LRFN5: variants seen among roughly 807,000 people sequenced by gnomAD.
The protein encoded by LRFN5 is leucine rich repeat and fibronectin type III domain containing 5.
LRFN5 carries 24 observed loss-of-function variants against 45.6 expected under a neutral mutation model. That is an observed-to-expected ratio of 0.53 (90% CI 0.38 to 0.74). The LOEUF (loss-of-function observed/expected upper bound fraction) is 0.74. LRFN5 is among the 30% of genes least tolerant of loss of function. LRFN5 has a pLI of 0.00. For synonymous variants in LRFN5, 340 were observed against 313.8 expected (o/e 1.08, Z -0.88); for missense variants, 776 against 861.5 (o/e 0.90, Z 1.24).
chr14:41,721,277 T>C (rs1246100267), intron 1 of LRFN5, among the ~76,000 whole-genome samples: 1 of 152,136 alleles, frequency 6.6e-6, no homozygotes, highest in East Asian at 1.9e-4. Flanking sequence ...GTGTGTGAGA[T>C]GGGTTTCTTA....
chr14:41,650,871 C>A (rs1880079388), intron 1 of LRFN5, among the ~76,000 whole-genome samples: 1 of 105,818 alleles, frequency 9.5e-6, no homozygotes, highest in Non-Finnish European at 1.7e-5. Flanking sequence ...CATTAAGCAA[C>A]AAAGAGACAG....
intron 2 of LRFN5, among the ~76,000 whole-genome samples, chr14:41,855,271 A>G (rs1338687305): frequency 1.3e-5 from 2 of 152,174 alleles, no homozygotes; most frequent in Non-Finnish European, 2.9e-5. Flanking sequence ...GATTGTGGAT[A>G]GCCTTTAATA....
At chr14:41,888,911 C>T (rs572268137) in intron 3 of LRFN5, among the ~76,000 whole-genome samples, 19 of 151,636 alleles carry the variant, frequency 1.3e-4, no homozygotes, top group Non-Finnish European at 2.7e-4. Flanking sequence ...GAGAGGCTTA[C>T]TATGCCCTAG....
At chr14:41,774,399 C>G (rs1391485491) in intron 2 of LRFN5, among the ~76,000 whole-genome samples, 1 of 152,046 alleles carries the variant, frequency 6.6e-6, no homozygotes, top group Non-Finnish European at 1.5e-5. Context: ...AATATAGGAG[C>G]CTTTACAGCA....
chr14:41,650,834 T>C (rs939711092), intron 1 of LRFN5, among the ~76,000 whole-genome samples: 1 of 138,200 alleles, frequency 7.2e-6, no homozygotes, highest in Non-Finnish European at 1.5e-5. Context: ...AAAGTAGACA[T>C]GATAGACTAC....
chr14:41,793,970 G>T (rs1248420177), intron 2 of LRFN5, among the ~76,000 whole-genome samples: 2 of 152,014 alleles, frequency 1.3e-5, no homozygotes, highest in East Asian at 3.9e-4. Flanking sequence ...AGAAACAAGG[G>T]AGTTATTATA....
At chr14:41,892,426 T>C (rs1890818389) in intron 4 of LRFN5, 2 of 984,782 alleles carry the variant, frequency 2.0e-6, no homozygotes, top group Non-Finnish European at 2.4e-6. Context: ...GACCAACTCC[T>C]AGGACTAGCA....
In LRFN5 at chr14:41,893,853, T is replaced by C. The variant is rs1594503950; in HGVS notation, c.2098+1891T>C. The C allele has an allele frequency of 4.1e-6, 4 of 985,342 alleles. No homozygotes were observed. In the African/African-American group the frequency reaches 5.2e-5, roughly 13 times the overall value. The allele number at this position is 985,342 out of a possible 1,614,324, so 61.0% of individuals were successfully genotyped here. On this transcript the variant is annotated intron_variant, in intron 4 of 5. Transcript: ENST00000298119. ...AAGTTTACTTTTCACATTTGCAAAG[T>C]CTAATTATCCTTCACTGCCCAGTTA...
In LRFN5 at chr14:41,827,014, A is replaced by G. The variant is rs145152243; in HGVS notation, c.-20-59592A>G. 1.5e-3 allele frequency among the ~76,000 whole-genome samples: 229 copies of G among 152,192 alleles called. 1 individual carries two copies. Among genetic ancestry groups the G allele is most frequent in the Middle Eastern group, 3.4e-3 (1 of 294 alleles). ...AAAACAATCCAACTTTGCAAAGGTAATTTTCCATCATCTCATAAGTAACTT... is the reference window on the plus strand; with the variant it reads ...AAAACAATCCAACTTTGCAAAGGTAGTTTTCCATCATCTCATAAGTAACTT... On this transcript the variant is annotated intron_variant, in intron 2 of 5. Transcript: ENST00000298119.
intron 1 of LRFN5, among the ~76,000 whole-genome samples, chr14:41,619,979 A>G (rs917353300): frequency 5.3e-5 from 8 of 152,100 alleles, no homozygotes; most frequent in Non-Finnish European, 1.2e-4. Context: ...GAAAATTACA[A>G]TTGTACATAA....
At chr14:41,895,067 ATG>A (rs1890895462) in intron 4 of LRFN5, 11 of 984,016 alleles carry the variant, frequency 1.1e-5, no homozygotes, top group Non-Finnish European at 1.3e-5. Context: ...AAACAAAATA[ATG>A]TGTTTCCTGT....
At chr14:41,824,831 A>T (rs962941957) in intron 2 of LRFN5, among the ~76,000 whole-genome samples, 6 of 152,058 alleles carry the variant, frequency 3.9e-5, no homozygotes, top group African/African-American at 1.4e-4. Context: ...GAAGTGGGAG[A>T]TGGAACCTGT....
chr14:41,634,303 A>C (rs1278444775), intron 1 of LRFN5, among the ~76,000 whole-genome samples: 1 of 152,084 alleles, frequency 6.6e-6, no homozygotes, highest in Non-Finnish European at 1.5e-5. Context: ...TGGAAGCCAT[A>C]CTCCTTTTTG....
intron 4 of LRFN5, chr14:41,894,562 C>G: frequency 1.0e-6 from 1 of 967,142 alleles, no homozygotes. Context: ...ACTGGCTTAT[C>G]AAGAAGGTCA....
chr14:41,648,114 T>A (rs1175341149), intron 1 of LRFN5, among the ~76,000 whole-genome samples: 1 of 152,188 alleles, frequency 6.6e-6, no homozygotes, highest in Non-Finnish European at 1.5e-5. Flanking sequence ...AGCATTTTGC[T>A]TATTTGGTGA....
rs201947357 is a variant in LRFN5 at position 41,903,514 on chromosome 14, CATATT to C, written c.2143-642_2143-638del. 5.9e-4 allele frequency among the ~76,000 whole-genome samples: 89 copies of C among 151,338 alleles called. 2 individuals are homozygous for C. In the East Asian group the frequency reaches 0.014, roughly 24 times the overall value. On this transcript the variant is annotated intron_variant, in intron 5 of 5. Coordinates refer to ENST00000298119, the MANE Select transcript of LRFN5 (RefSeq NM_152447.5). The stretch of plus-strand genomic sequence containing the variant: ...CTTAAATCCATGAAGACTGAGAACA[CATATT>C]AGAGGAAAAATATTTTCACAGTTTT...
intron 1 of LRFN5, among the ~76,000 whole-genome samples, chr14:41,758,381 A>G (rs532306679): frequency 2.0e-5 from 3 of 152,324 alleles, no homozygotes; most frequent in African/African-American, 7.2e-5. Context: ...TGTGTATTTC[A>G]TATAAACTAC....
intron 2 of LRFN5, among the ~76,000 whole-genome samples, chr14:41,787,020 G>A (rs934818087): frequency 6.6e-6 from 1 of 151,894 alleles, no homozygotes; most frequent in African/African-American, 2.4e-5. Context: ...ACTCATCATG[G>A]TCATGTATTC....
chr14:41,809,835 C>T (rs1313759717), intron 2 of LRFN5, among the ~76,000 whole-genome samples: 1 of 151,642 alleles, frequency 6.6e-6, no homozygotes, highest in East Asian at 1.9e-4. Context: ...TCTAAAAATA[C>T]TGTACACTCC....
Sources: gnomAD v4.1 joint callset for allele counts (sites outside exome capture counted in the v4.1 genomes callset) on GRCh38, gnomAD v4.1.1 for gene constraint, MANE v1.5 for transcripts, NCBI Gene and HGNC (gene_info 2026-07-23, HGNC 2026-07-21) for gene names.